Variants in RPAP2 observed in about 807,000 individuals in gnomAD.
RPAP2 encodes RNA polymerase II associated protein 2.
In RPAP2, 52 loss-of-function variants were observed where a neutral mutation model predicts 73.1. The observed-to-expected ratio is 0.71, with a 90% CI of 0.57 to 0.90. The LOEUF (loss-of-function observed/expected upper bound fraction) is 0.90, where lower values mean the gene tolerates loss of function less well. RPAP2 is among the 40% of genes least tolerant of loss of function. The pLI is 0.00. For synonymous variants in RPAP2, 225 were observed against 242.1 expected, an observed-to-expected ratio of 0.93 and a Z score of 0.65; for missense variants, 598 against 701.8, an observed-to-expected ratio of 0.85 and a Z score of 1.67.
intron 12 of RPAP2, among the ~76,000 whole-genome samples, chr1:92,382,916 T>C (rs1160014449): frequency 1.3e-5 from 2 of 152,152 alleles, no homozygotes; most frequent in Admixed American, 1.3e-4. Context: ...AACATGTAAG[T>C]CTTTAATCCA....
intron 10 of RPAP2, among the ~76,000 whole-genome samples, chr1:92,336,901 T>C (rs1470415018): frequency 6.6e-6 from 1 of 152,062 alleles, no homozygotes; most frequent in Non-Finnish European, 1.5e-5. Context: ...CTTAAAGTGC[T>C]AAGAACTATA....
intron 11 of RPAP2, among the ~76,000 whole-genome samples, chr1:92,360,826 A>G (rs1277075690): frequency 6.6e-6 from 1 of 151,978 alleles, no homozygotes; most frequent in African/African-American, 2.4e-5. Flanking sequence ...TGTTACATTC[A>G]TTACTGTATT....
chr1:92,383,460 A>G (rs1312628938), intron 12 of RPAP2, among the ~76,000 whole-genome samples: 1 of 151,986 alleles, frequency 6.6e-6, no homozygotes, highest in Non-Finnish European at 1.5e-5. Context: ...AGTGGTTTGT[A>G]GTTCTCCTTG....
Position 92,324,197 on chromosome 1 carries a change from C to T in RPAP2, c.1277C>T (p.Ser426Phe). The T allele has an allele frequency of 6.2e-7, 1 of 1,614,086 alleles. No homozygotes were observed. Among genetic ancestry groups the T allele is most frequent in the South Asian group, 1.1e-5 (1 of 91,084 alleles). ...PDSHFPAWRE[S>F]QNSLDESLPF... ...AGTCATTTCCCTGCCTGGAGGGAAT[C>T]TCAGAACAGCTTGGATGAGTCTTTA... is the stretch of plus-strand genomic sequence containing the variant. The change falls in exon 8 of 13, where the codon TCT (serine) becomes TTT (phenylalanine). Residue 426 changes from serine to phenylalanine, a missense_variant. Ser to Phe is a radical substitution (Grantham distance 155). Coordinates refer to ENST00000610020, the MANE Select transcript of RPAP2 (RefSeq NM_024813.3).
In RPAP2 at chr1:92,339,666, G is replaced by A. The variant is rs114459973; in HGVS notation, c.1619+3239G>A. 4.6e-3 allele frequency among the ~76,000 whole-genome samples: 700 copies of A among 151,290 alleles called. 3 individuals are homozygous for A. The highest frequency in any genetic ancestry group is 0.016 in the African/African-American group (658 of 41,198). On this transcript the variant is annotated intron_variant, in intron 10 of 12. Transcript: ENST00000610020. ...CATCTAAGGACCTCTTTATTTTTCC[G>A]CCATAGAATTGATAAGTAGTGACTA...
Position 92,299,075 on chromosome 1 carries a change from T to TGGCGGACTTCGCTG in RPAP2, c.6_19dup (p.Pro7?). On this transcript the variant is annotated frameshift_variant and start_lost, in exon 1 of 13. Coordinates refer to ENST00000610020, the MANE Select transcript of RPAP2 (RefSeq NM_024813.3). LOFTEE classifies it high-confidence loss of function. ...CCGTCCGGCAGACTACTCTCCCCCA[T>TGGCGGACTTCGCTG]GGCGGACTTCGCTGGGCCGTCTTCT... The TGGCGGACTTCGCTG allele has an allele frequency of 6.7e-7, 1 of 1,501,796 alleles. No homozygotes were observed. The highest frequency in any genetic ancestry group is 8.9e-7 in the Non-Finnish European group (1 of 1,119,376). The allele number at this position is 1,501,796 out of a possible 1,614,324, so 93.0% of individuals were successfully genotyped here. A position where few individuals can be genotyped will look rare whatever the true frequency, so the allele number is the denominator to read the frequency against.
intron 8 of RPAP2, among the ~76,000 whole-genome samples, chr1:92,332,656 A>G (rs544944364): frequency 6.6e-6 from 1 of 152,262 alleles, no homozygotes; most frequent in South Asian, 2.1e-4. Flanking sequence ...ACTCCCTGAA[A>G]GAACTAGTCT....
At chr1:92,362,450 G>C (rs1654767793) in intron 11 of RPAP2, among the ~76,000 whole-genome samples, 1 of 152,144 alleles carries the variant, frequency 6.6e-6, no homozygotes, top group South Asian at 2.1e-4. Flanking sequence ...GGAATTTTCT[G>C]CTTCTCACTA....
At position 92,392,335 on chromosome 1, in the gene RPAP2, C is replaced by T. The variant is rs189463297; in HGVS notation, c.*5324C>T. On this transcript the variant is annotated 3_prime_UTR_variant, in exon 13 of 13. Coordinates refer to ENST00000610020, the MANE Select transcript of RPAP2 (RefSeq NM_024813.3). ...AAGGCCTTCAACAAAATTCAACAGC[C>T]TTTCATGCTAAAAACCCTCAATAAA... The T allele has an allele frequency of 3.3e-5, 5 of 152,246 alleles. No homozygotes were observed. The highest frequency in any genetic ancestry group is 3.3e-4 in the Admixed American group (5 of 15,286). The allele number at this position is 152,246 out of a possible 1,614,324, so 9.4% of individuals were successfully genotyped here. A position where few individuals can be genotyped will look rare whatever the true frequency, so the allele number is the denominator to read the frequency against.
At chr1:92,343,246 A>G (rs1162851216) in intron 10 of RPAP2, among the ~76,000 whole-genome samples, 2 of 152,154 alleles carry the variant, frequency 1.3e-5, no homozygotes. Flanking sequence ...TGCTGGACAG[A>G]TTAAGATGAG....
chr1:92,381,608 G>GT (rs1241619169), intron 12 of RPAP2, among the ~76,000 whole-genome samples: 1 of 83,140 alleles, frequency 1.2e-5, no homozygotes, highest in East Asian at 3.6e-4. Context: ...TTTTTTTAAC[G>GT]TTTTTTAAAT....
In RPAP2 at chr1:92,323,636, G is replaced by T; in HGVS notation, c.716G>T (p.Arg239Ile). Residue 239 changes from arginine to isoleucine, a missense_variant, in exon 8 of 13, where the codon AGA (arginine) becomes ATA (isoleucine). By Grantham distance (97) the Arg-to-Ile change is moderately conservative. Coordinates refer to ENST00000610020, the MANE Select transcript of RPAP2 (RefSeq NM_024813.3). ...PGNRPNSTNI[R>I]PQLHQKSIMK... is the part of the protein sequence containing the mutation. ...AACAGACCAAATTCAACAAATATTA[G>T]ACCACAGCTGCACCAAAAAAGCATA... 2 of 1,613,870 alleles carry T rather than the reference G, an allele frequency of 1.2e-6. No homozygotes were observed. Among genetic ancestry groups the T allele is most frequent in the South Asian group, 1.1e-5 (1 of 91,050 alleles).
In RPAP2 at chr1:92,400,440, C is replaced by G. The variant is rs1252920192; in HGVS notation, c.*13429C>G. 1 of 152,364 alleles carries G rather than the reference C, an allele frequency of 6.6e-6. No homozygotes were observed. The highest frequency in any genetic ancestry group is 1.5e-5 in the Non-Finnish European group (1 of 68,196). The allele number at this position is 152,364 out of a possible 1,614,324, so 9.4% of individuals were successfully genotyped here. A position where few individuals can be genotyped will look rare whatever the true frequency, so the allele number is the denominator to read the frequency against. On this transcript the variant is annotated 3_prime_UTR_variant, in exon 13 of 13. Coordinates refer to ENST00000610020, the MANE Select transcript of RPAP2 (RefSeq NM_024813.3). The stretch of plus-strand genomic sequence containing the variant: ...CCTCAAGCGATCCTCCCACCTCAAC[C>G]TCCAGAGTATCTGGGACTATAGGCA...
chr1:92,370,454 T>TG (rs1655100462), intron 11 of RPAP2, among the ~76,000 whole-genome samples: 1 of 152,126 alleles, frequency 6.6e-6, no homozygotes, highest in African/African-American at 2.4e-5. Context: ...AGAGCTTTCG[T>TG]ACCCCCCCAC....
rs1028152243 is a variant in RPAP2, at chr1:92,391,736, C to T, written c.*4725C>T. The T allele has an allele frequency of 6.6e-6, 1 of 152,158 alleles. No individual in the cohort carries two copies. The highest frequency in any genetic ancestry group is 6.5e-5 in the Admixed American group (1 of 15,276). The allele number at this position is 152,158 out of a possible 1,614,324, so 9.4% of individuals were successfully genotyped here. ...ATCCCACAGAAATACAAACTACCAT[C>T]AGCGAATACTATAAACACCTCTACA... On this transcript the variant is annotated 3_prime_UTR_variant, in exon 13 of 13. Transcript: ENST00000610020.
intron 6 of RPAP2, among the ~76,000 whole-genome samples, chr1:92,315,551 G>A (rs1225650139): frequency 6.6e-6 from 1 of 152,132 alleles, no homozygotes; most frequent in Non-Finnish European, 1.5e-5. Flanking sequence ...GTTAAACAAG[G>A]TATGCTTGTG....
At chr1:92,317,684 T>G (rs777859935) in intron 6 of RPAP2, among the ~76,000 whole-genome samples, 1 of 152,150 alleles carries the variant, frequency 6.6e-6, no homozygotes, top group Non-Finnish European at 1.5e-5. Flanking sequence ...TAAAAATGTA[T>G]TAAACGGTAA....
intron 12 of RPAP2, among the ~76,000 whole-genome samples, chr1:92,385,321 G>A (rs1214751506): frequency 6.6e-6 from 1 of 152,176 alleles, no homozygotes; most frequent in Non-Finnish European, 1.5e-5. Flanking sequence ...AACAGATGAT[G>A]TTAAAGTAGT....
At chr1:92,357,075 A>G (rs1654508455) in intron 11 of RPAP2, among the ~76,000 whole-genome samples, 1 of 141,712 alleles carries the variant, frequency 7.1e-6, no homozygotes, top group Non-Finnish European at 1.5e-5. Flanking sequence ...CAAAAAAAAA[A>G]AAGAAAAAAA....
Sources: allele counts gnomAD v4.1 joint callset (sites outside exome capture counted in the v4.1 genomes callset), GRCh38; gene constraint gnomAD v4.1.1; transcripts MANE v1.5; gene names NCBI Gene and HGNC (gene_info 2026-07-23, HGNC 2026-07-21).